Variants in NPAS3 observed in about 807,000 individuals in gnomAD.
NPAS3 encodes neuronal PAS domain-containing protein 3.
Under a neutral mutation model 73.1 loss-of-function variants are expected in NPAS3, and 14 were observed. The observed-to-expected ratio is 0.19, with a 90% CI of 0.13 to 0.30. NPAS3 has a LOEUF of 0.30. Among genes scored for constraint, NPAS3 ranks in the 10% least tolerant of loss-of-function variants. The pLI, the probability that NPAS3 is intolerant of heterozygous loss-of-function variation, is 1.00. For synonymous variants in NPAS3, 620 were observed against 541.5 expected (o/e 1.14, Z -2.01); for missense variants, 1,096 against 1,250.0 (o/e 0.88, Z 1.86).
intron 5 of NPAS3, among the ~76,000 whole-genome samples, chr14:33,657,970 A>C (rs1308141738): frequency 2.6e-5 from 4 of 152,128 alleles, no homozygotes; most frequent in African/African-American, 9.7e-5. Flanking sequence ...AGCTCCTACA[A>C]ATCTTAGGTG....
chr14:33,616,176 T>C (rs1207872524), intron 5 of NPAS3, among the ~76,000 whole-genome samples: 6 of 152,224 alleles, frequency 3.9e-5, no homozygotes, highest in Non-Finnish European at 7.3e-5. Context: ...AGTGTGGTCC[T>C]GACTTCGTAA....
chr14:33,064,573 T>C (rs893536674), intron 2 of NPAS3, among the ~76,000 whole-genome samples: 1 of 152,114 alleles, frequency 6.6e-6, no homozygotes, highest in Non-Finnish European at 1.5e-5. Context: ...TGTTTCTGGG[T>C]TGGTGAGTGG....
intron 6 of NPAS3, among the ~76,000 whole-genome samples, chr14:33,734,099 A>G (rs2061465708): frequency 6.6e-6 from 1 of 152,174 alleles, no homozygotes; most frequent in Admixed American, 6.5e-5. Flanking sequence ...CATATACTTA[A>G]TTCTTAAATC....
intron 2 of NPAS3, among the ~76,000 whole-genome samples, chr14:33,135,246 C>T (rs895741700): frequency 1.3e-5 from 2 of 152,114 alleles, no homozygotes; most frequent in African/African-American, 2.4e-5. Flanking sequence ...AGAACTTACT[C>T]GTAAATTCGG....
intron 4 of NPAS3, among the ~76,000 whole-genome samples, chr14:33,539,079 G>A (rs956977857): frequency 3.9e-5 from 6 of 152,188 alleles, no homozygotes; most frequent in Non-Finnish European, 7.4e-5. Context: ...AATGAAGCTC[G>A]TTGACTCTCA....
At position 33,764,854 on chromosome 14, in the gene NPAS3, G is replaced by C. The variant is rs570660496; in HGVS notation, c.853-9483G>C. 5.3e-5 allele frequency among the ~76,000 whole-genome samples: 8 copies of C among 152,222 alleles called. 1 individual carries two copies. Among genetic ancestry groups the C allele is most frequent in the Non-Finnish European group, 1.2e-4 (8 of 68,040 alleles). ...AATTTGATCAGATGTATACAGTTCA[G>C]CCTTCTTGCTTTGCCCCTTAACAAT... On this transcript the variant is annotated intron_variant, in intron 7 of 11. Coordinates refer to ENST00000356141, the Ensembl canonical transcript of NPAS3.
chr14:33,755,105 A>C (rs2062075712), intron 7 of NPAS3, among the ~76,000 whole-genome samples: 1 of 152,224 alleles, frequency 6.6e-6, no homozygotes. Flanking sequence ...GAACTCATTT[A>C]GCTTGCCTAA....
chr14:33,233,260 A>G (rs2047917616), intron 3 of NPAS3, among the ~76,000 whole-genome samples: 1 of 152,258 alleles, frequency 6.6e-6, no homozygotes, highest in East Asian at 1.9e-4. Flanking sequence ...AATGCTATAA[A>G]TTAACTTTAT....
At chr14:33,591,051 G>A (rs947585636) in intron 5 of NPAS3, among the ~76,000 whole-genome samples, 2 of 152,146 alleles carry the variant, frequency 1.3e-5, no homozygotes, top group Non-Finnish European at 2.9e-5. Context: ...TACCACACAC[G>A]TTGTGGAGGG....
intron 3 of NPAS3, among the ~76,000 whole-genome samples, chr14:33,287,631 G>A (rs1001646014): frequency 6.6e-6 from 1 of 152,088 alleles, no homozygotes; most frequent in Non-Finnish European, 1.5e-5. Context: ...ACTACTTAGT[G>A]CAAGTCCAAT....
At chr14:33,493,684 A>G (rs2052021035) in intron 4 of NPAS3, among the ~76,000 whole-genome samples, 1 of 152,128 alleles carries the variant, frequency 6.6e-6, no homozygotes, top group South Asian at 2.1e-4. Flanking sequence ...CCTGTGACTA[A>G]AAACCAGCCA....
intron 5 of NPAS3, among the ~76,000 whole-genome samples, chr14:33,564,704 A>G (rs760190640): frequency 9.9e-5 from 15 of 152,216 alleles, no homozygotes; most frequent in Non-Finnish European, 1.5e-5. Context: ...TTAACCAGAG[A>G]ATACAATTGG....
chr14:33,787,709 G>A (rs1302783401), intron 9 of NPAS3, among the ~76,000 whole-genome samples: 1 of 151,972 alleles, frequency 6.6e-6, no homozygotes, highest in African/African-American at 2.4e-5. Context: ...TCAAAGCCTC[G>A]GTTGATCCTA....
At chr14:33,012,828 G>A (rs1307450447) in intron 1 of NPAS3, among the ~76,000 whole-genome samples, 2 of 152,178 alleles carry the variant, frequency 1.3e-5, no homozygotes, top group African/African-American at 4.8e-5. Context: ...AGGATTACAG[G>A]CGTGAGCCAC....
At chr14:33,642,156 A>T (rs1371457191) in intron 5 of NPAS3, among the ~76,000 whole-genome samples, 1 of 152,114 alleles carries the variant, frequency 6.6e-6, no homozygotes, top group Non-Finnish European at 1.5e-5. Flanking sequence ...TTAACAGATC[A>T]TCTCGGATCT....
rs561135597 is a variant in NPAS3 at position 33,136,283 on chromosome 14, T to A, written c.141-78899T>A. ...ACCATGTTGGCCAGGCTGGTCTCAA[T>A]CTCCTGACCTCGTGATCCGCCCACC... is the stretch of plus-strand genomic sequence containing the variant. On this transcript the variant is annotated intron_variant, in intron 2 of 11. Transcript: ENST00000356141. Among the ~76,000 whole-genome samples the A allele has an allele frequency of 3.6e-4, 55 of 151,932 alleles. 1 individual carries two copies. The highest frequency in any genetic ancestry group is 7.8e-4 in the East Asian group (4 of 5,138).
chr14:32,970,792 G>C (rs1003132710), intron 1 of NPAS3, among the ~76,000 whole-genome samples: 1 of 152,004 alleles, frequency 6.6e-6, no homozygotes, highest in East Asian at 1.9e-4. Context: ...TGTTTTTCCT[G>C]TGTGTGTGTG....
chr14:33,707,614 G>T (rs1387010738), intron 6 of NPAS3, among the ~76,000 whole-genome samples: 1 of 152,220 alleles, frequency 6.6e-6, no homozygotes, highest in East Asian at 1.9e-4. Context: ...ATGCAGTCGG[G>T]TGGAAAAGTA....
chr14:33,235,744 G>T (rs1290184742), intron 3 of NPAS3, among the ~76,000 whole-genome samples: 1 of 147,392 alleles, frequency 6.8e-6, no homozygotes, highest in East Asian at 2.0e-4. Context: ...AGAACCAAAT[G>T]AATCTTTTGA....
Sources: allele counts gnomAD v4.1 joint callset (sites outside exome capture counted in the v4.1 genomes callset), GRCh38; gene constraint gnomAD v4.1.1; transcripts MANE v1.5; gene names NCBI Gene and HGNC (gene_info 2026-07-23, HGNC 2026-07-21).